FRMD4A: variants seen among roughly 807,000 people sequenced by gnomAD.
FRMD4A encodes the protein FERM domain containing 4A.
In FRMD4A, 29 loss-of-function variants were observed where a neutral mutation model predicts 129.1. The observed-to-expected ratio is 0.22, with a 90% CI of 0.17 to 0.31. FRMD4A has a LOEUF of 0.31. Ranked by LOEUF, FRMD4A falls within the 10% of genes least tolerant of loss-of-function variation. The pLI is 1.00. For synonymous variants in FRMD4A, 634 were observed against 571.6 expected, an observed-to-expected ratio of 1.11 and a Z score of -1.56; for missense variants, 1,272 against 1,375.8, an observed-to-expected ratio of 0.92 and a Z score of 1.19.
chr10:14,173,396 G>A (rs759839587), intron 2 of FRMD4A, among the ~76,000 whole-genome samples: 4 of 152,126 alleles, frequency 2.6e-5, no homozygotes, highest in Non-Finnish European at 4.4e-5. Flanking sequence ...CCAGTTCCCC[G>A]TGAGCATTTC....
chr10:13,802,077 T>G (rs570723051), intron 4 of FRMD4A, among the ~76,000 whole-genome samples: 1 of 151,810 alleles, frequency 6.6e-6, no homozygotes, highest in East Asian at 1.9e-4. Context: ...ATAACTATCT[T>G]TAAAGCTGAG....
At chr10:13,924,845 A>C (rs2095112325) in intron 2 of FRMD4A, among the ~76,000 whole-genome samples, 1 of 152,016 alleles carries the variant, frequency 6.6e-6, no homozygotes. Context: ...CGGGCGGATC[A>C]TGAGGTCAGG....
rs10674411 is a variant in FRMD4A at position 14,227,243 on chromosome 10, CTTTTTTTTTT to C, written c.45+102805_45+102814del. ...TCCTCCTCCTCCTTCTCTTCTTCTTCTTTTTTTTTTTTTTTTTTTTTTTTTTTAGGCAGAG... is the reference window on the plus strand; with the variant it reads ...TCCTCCTCCTCCTTCTCTTCTTCTTCTTTTTTTTTTTTTTTTTAGGCAGAG... On this transcript the variant is annotated intron_variant, in intron 2 of 24. Coordinates refer to ENST00000357447, the MANE Select transcript of FRMD4A (RefSeq NM_018027.5). 4.9e-3 allele frequency among the ~76,000 whole-genome samples: 314 copies of C among 64,130 alleles called. 2 individuals carry two copies. Among genetic ancestry groups the C allele is most frequent in the African/African-American group, 0.019 (302 of 16,020 alleles). The allele number at this position is 64,130 out of a possible 152,430, so 42.1% of individuals were successfully genotyped here.
chr10:13,657,788 G>T (rs75738071), intron 21 of FRMD4A, among the ~76,000 whole-genome samples: 9,191 of 142,638 alleles, frequency 0.064, 932 homozygotes, highest in African/African-American at 0.21. Context: ...CGATTTCTGG[G>T]TTTTTTTTTT....
At chr10:14,006,723 C>T (rs1201858565) in intron 2 of FRMD4A, among the ~76,000 whole-genome samples, 1 of 152,134 alleles carries the variant, frequency 6.6e-6, no homozygotes, top group Non-Finnish European at 1.5e-5. Context: ...ACCATACAGA[C>T]CAAAGAGTTT....
chr10:13,801,419 G>A (rs2093251947), intron 4 of FRMD4A, among the ~76,000 whole-genome samples: 1 of 152,202 alleles, frequency 6.6e-6, no homozygotes, highest in Admixed American at 6.5e-5. Flanking sequence ...ATCCCATGAG[G>A]GGATCACGAT....
At chr10:13,918,913 G>T (rs1010027830) in intron 2 of FRMD4A, among the ~76,000 whole-genome samples, 1 of 151,332 alleles carries the variant, frequency 6.6e-6, no homozygotes, top group African/African-American at 2.4e-5. Flanking sequence ...AATGACAAAT[G>T]CCCCCCTAAT....
At chr10:14,080,264 C>T (rs1463752441) in intron 2 of FRMD4A, among the ~76,000 whole-genome samples, 1 of 152,118 alleles carries the variant, frequency 6.6e-6, no homozygotes, top group Non-Finnish European at 1.5e-5. Flanking sequence ...AGAAGTATTT[C>T]CAAACAGCCC....
rs190466408 is a variant in FRMD4A at position 13,798,365 on chromosome 10, T to C, written c.207-1777A>G. Among the ~76,000 whole-genome samples, 503 of 151,812 alleles carry C rather than the reference T, an allele frequency of 3.3e-3. 5 individuals carry two copies. Among genetic ancestry groups the C allele is most frequent in the African/African-American group, 0.011 (470 of 41,336 alleles). Reference sequence around the variant, plus strand: ...AGATGGAGGTTGCAGTGAGCTGAGATCGCGCCATTGCACTCTAGCCTAGGC... The same window carrying C: ...AGATGGAGGTTGCAGTGAGCTGAGACCGCGCCATTGCACTCTAGCCTAGGC... On this transcript the variant is annotated intron_variant, in intron 4 of 24. Coordinates refer to ENST00000357447, the MANE Select transcript of FRMD4A (RefSeq NM_018027.5).
intron 2 of FRMD4A, among the ~76,000 whole-genome samples, chr10:14,254,739 A>G (rs1844552115): frequency 6.6e-6 from 1 of 151,952 alleles, no homozygotes. Context: ...TTTTGCAAAT[A>G]TTAGGCTTTT....
chr10:13,785,458 C>T (rs1318910941), intron 5 of FRMD4A, among the ~76,000 whole-genome samples: 3 of 152,118 alleles, frequency 2.0e-5, no homozygotes, highest in African/African-American at 7.2e-5. Flanking sequence ...TCATATAGGG[C>T]CCACCATGGT....
rs562923794 is a variant in FRMD4A, at chr10:14,224,083, C to A, written c.45+105975G>T. Among the ~76,000 whole-genome samples, 43 of 152,282 alleles carry A rather than the reference C, an allele frequency of 2.8e-4. No individual in the cohort carries two copies. In the East Asian group the frequency reaches 8.1e-3, roughly 29 times the overall value. On this transcript the variant is annotated intron_variant, in intron 2 of 24. Coordinates refer to ENST00000357447, the MANE Select transcript of FRMD4A (RefSeq NM_018027.5). ...CAGGCGAGGAGTCCTGTGGCTCTCACAAACAGGACGGGGCTGCTTTGCCCC... is the reference window on the plus strand; with the variant it reads ...CAGGCGAGGAGTCCTGTGGCTCTCAAAAACAGGACGGGGCTGCTTTGCCCC...
At chr10:13,834,332 C>CA (rs1469526914) in intron 3 of FRMD4A, among the ~76,000 whole-genome samples, 4 of 151,872 alleles carry the variant, frequency 2.6e-5, no homozygotes, top group East Asian at 1.9e-4. Context: ...AAAACCAAAC[C>CA]AAAAAAACAA....
At chr10:13,837,565 C>T (rs2093896251) in intron 3 of FRMD4A, among the ~76,000 whole-genome samples, 1 of 152,222 alleles carries the variant, frequency 6.6e-6, no homozygotes, top group African/African-American at 2.4e-5. Flanking sequence ...TGTACTTTTT[C>T]TAACAGTTGG....
At chr10:14,151,291 A>C (rs1254054785) in intron 2 of FRMD4A, among the ~76,000 whole-genome samples, 1 of 152,238 alleles carries the variant, frequency 6.6e-6, no homozygotes, top group Admixed American at 6.5e-5. Flanking sequence ...TTCGATAAGG[A>C]AAATGTGGTA....
At chr10:13,754,237 T>A (rs779500111) in intron 8 of FRMD4A, among the ~76,000 whole-genome samples, 1 of 151,840 alleles carries the variant, frequency 6.6e-6, no homozygotes, top group Non-Finnish European at 1.5e-5. Flanking sequence ...CAAAATTTCC[T>A]CCTTACTTGG....
In FRMD4A at chr10:13,721,880, CAT is replaced by C. The variant is rs369724745; in HGVS notation, c.760-14769_760-14768del. Among the ~76,000 whole-genome samples the C allele has an allele frequency of 2.7e-3, 416 of 152,338 alleles. 1 individual carries two copies. Among genetic ancestry groups the C allele is most frequent in the African/African-American group, 8.5e-3 (352 of 41,576 alleles). ...GTGCATGCCTAAAAATACACACACA[CAT>C]ACAGAGGAAATTCTCTCAGCTGTGA... On this transcript the variant is annotated intron_variant, in intron 12 of 24. Transcript: ENST00000357447.
rs1451981220 is a variant in FRMD4A, at chr10:13,852,734, G to GCTTGCACACAGCTGGCGTGTGATTTATA, written c.111+6085_111+6112dup. On this transcript the variant is annotated intron_variant, in intron 3 of 24. Transcript: ENST00000357447. The stretch of plus-strand genomic sequence containing the variant: ...TGCTCACAGCTGGCGTGTGATTTAT[G>GCTTGCACACAGCTGGCGTGTGATTTATA]CTTGCACACAGCTGGCGTGTGATTT... 2.8e-4 allele frequency among the ~76,000 whole-genome samples: 43 copies of GCTTGCACACAGCTGGCGTGTGATTTATA among 151,966 alleles called. No homozygotes were observed. The East Asian group carries it at 8.1e-3, about 29-fold the overall frequency.
intron 2 of FRMD4A, among the ~76,000 whole-genome samples, chr10:14,183,832 T>C (rs746630064): frequency 2.3e-4 from 35 of 152,220 alleles, no homozygotes; most frequent in Non-Finnish European, 2.9e-4. Context: ...AATATTTCTG[T>C]CTCAATTTTA....
Sources: gnomAD v4.1 joint callset for allele counts (sites outside exome capture counted in the v4.1 genomes callset) on GRCh38, gnomAD v4.1.1 for gene constraint, MANE v1.5 for transcripts, NCBI Gene and HGNC (gene_info 2026-07-23, HGNC 2026-07-21) for gene names.